The following TMC5 variants were observed in gnomAD, a reference collection of about 807,000 sequenced individuals.
The protein encoded by TMC5 is transmembrane channel like 5, also known as transmembrane channel-like protein 5.
A neutral mutation model predicts 110.5 loss-of-function variants in TMC5; 86 were observed. The observed-to-expected ratio is 0.78, with a 90% CI of 0.65 to 0.93. The LOEUF (loss-of-function observed/expected upper bound fraction) is 0.93, where lower values mean the gene tolerates loss of function less well. Ranked by LOEUF, TMC5 falls within the 40% of genes least tolerant of loss-of-function variation. The pLI is 0.00. For synonymous variants in TMC5, 455 were observed against 439.5 expected (o/e 1.04, Z -0.44); for missense variants, 1,144 against 1,222.8 (o/e 0.94, Z 0.96).
intron 2 of TMC5, among the ~76,000 whole-genome samples, chr16:19,437,432 G>T (rs1039430564): frequency 3.3e-5 from 5 of 152,218 alleles, no homozygotes; most frequent in African/African-American, 1.2e-4. Context: ...AGAAATGGAT[G>T]CTGTGCAGGG....
intron 14 of TMC5, 95 bp from the exon 15 acceptor site, chr16:19,481,274 TG>T: frequency 1.1e-6 from 1 of 870,774 alleles, no homozygotes; most frequent in Admixed American, 1.9e-5. Flanking sequence ...TATTTCAAGC[TG>T]GGGAGGGTCT....
In TMC5 at chr16:19,463,985, C is replaced by G. The variant is rs575971732; in HGVS notation, c.1446C>G (p.Asn482Lys). The G allele has an allele frequency of 2.5e-6, 4 of 1,614,042 alleles. No homozygotes were observed. The African/African-American group carries it at 5.3e-5, about 22-fold the overall frequency. The part of the protein sequence containing the change: ...IIPQFTVAKK[N>K]TLQFTGLEFF... ...CTCAGTTTACCGTGGCCAAAAAGAACACCCTCCAGTTCACTGGGCTGGAGT... is the reference window on the plus strand; with the variant it reads ...CTCAGTTTACCGTGGCCAAAAAGAAGACCCTCCAGTTCACTGGGCTGGAGT... Residue 482 changes from asparagine (N) to lysine (K), a missense_variant, in exon 8 of 22, where the codon AAC becomes AAG. Physicochemically the swap from Asn to Lys is moderately conservative, Grantham distance 94 (BLOSUM62 0). Coordinates refer to ENST00000542583, the MANE Select transcript of TMC5 (RefSeq NM_001261841.2).
chr16:19,475,397 G>A (rs926293074), intron 12 of TMC5, among the ~76,000 whole-genome samples: 76 of 151,690 alleles, frequency 5.0e-4, no homozygotes, highest in African/African-American at 1.7e-3. Context: ...ACTCCAGCCT[G>A]GGTGACAGAG....
Position 19,469,724 on chromosome 16 carries a change from T to C in TMC5, c.1681T>C (p.Tyr561His). The part of the protein sequence containing the change: ...FRNNFINPHI[Y>H]SGGITKLIFC... ...GAACAACTTCATTAATCCCCACATT[T>C]ACTCCGGAGGGATCACCAAGCTGAT... Residue 561 changes from tyrosine (Y) to histidine (H), a missense_variant, in exon 10 of 22, where the codon TAC (tyrosine) becomes CAC (histidine). Physicochemically the swap from Tyr to His is moderately conservative, Grantham distance 83. Transcript: ENST00000542583. 2 of 1,614,112 alleles carry C rather than the reference T, an allele frequency of 1.2e-6. No individual in the cohort carries two copies.
At chr16:19,433,728 C>A (rs571227931) in intron 2 of TMC5, among the ~76,000 whole-genome samples, 1 of 151,954 alleles carries the variant, frequency 6.6e-6, no homozygotes, top group African/African-American at 2.4e-5. Flanking sequence ...AAGCTCAGGG[C>A]AAAATTTAGT....
intron 2 of TMC5, among the ~76,000 whole-genome samples, chr16:19,436,090 C>T (rs141384831): frequency 5.0e-4 from 76 of 151,734 alleles, no homozygotes; most frequent in African/African-American, 1.8e-3. Flanking sequence ...GAGGAAACCC[C>T]CTCTCTACTA....
intron 10 of TMC5, 27 bp downstream of exon 10, chr16:19,469,852 G>A (rs1968284600): frequency 1.3e-5 from 21 of 1,611,926 alleles, no homozygotes; most frequent in Non-Finnish European, 1.7e-5. Flanking sequence ...TTACTCATTT[G>A]CCATCGGCTG....
intron 5 of TMC5, among the ~76,000 whole-genome samples, chr16:19,455,454 C>CA (rs1447531248): frequency 6.6e-6 from 1 of 151,990 alleles, no homozygotes; most frequent in South Asian, 2.1e-4. Context: ...TTTTAAAAAG[C>CA]AAAAAAACAA....
In TMC5 at chr16:19,440,180, C is replaced by T. The variant is rs1232306562; in HGVS notation, c.142C>T (p.Pro48Ser). Residue 48 changes from proline to serine, a missense_variant, in exon 3 of 22, where the codon CCC (proline) becomes TCC (serine). Physicochemically the swap from Pro to Ser is moderately conservative, Grantham distance 74. Transcript: ENST00000542583. ...AGGTCCTCTGAACAATCCAGACTAC[C>T]CCGGCACCAGGAGCAATCCATACTC... is the stretch of plus-strand genomic sequence containing the variant. ...VPGPLNNPDY[P>S]GTRSNPYSVA... 2 of 1,614,014 alleles carry T rather than the reference C, an allele frequency of 1.2e-6. No individual in the cohort carries two copies. Among genetic ancestry groups the T allele is most frequent in the African/African-American group, 1.3e-5 (1 of 74,904 alleles).
intron 19 of TMC5, 169 bp downstream of exon 19, chr16:19,492,397 G>T: frequency 2.4e-6 from 1 of 417,648 alleles, no homozygotes; most frequent in Non-Finnish European, 4.2e-6. Context: ...TCTCTTCCCA[G>T]CAAATCCCTT....
chr16:19,481,038 G>GA (rs1968606682), intron 14 of TMC5, among the ~76,000 whole-genome samples: 1 of 151,952 alleles, frequency 6.6e-6, no homozygotes, highest in Admixed American at 6.6e-5. Flanking sequence ...TCTGGTTCAT[G>GA]AAAAAATAAG....
At chr16:19,466,307 T>A in intron 9 of TMC5, 74 bp downstream of exon 9, 1 of 1,539,960 alleles carries the variant, frequency 6.5e-7, no homozygotes, top group Non-Finnish European at 8.9e-7. Context: ...AATTCAAAAA[T>A]TACCCAGGTA....
chr16:19,457,706 A>ATTTTTTTTT (rs1555483103), intron 5 of TMC5, among the ~76,000 whole-genome samples: 2 of 41,068 alleles, frequency 4.9e-5, no homozygotes, highest in Non-Finnish European at 1.6e-4. Context: ...CCAAGACTAC[A>ATTTTTTTTT]TTCTTTTTTT....
At chr16:19,424,382 G>C (rs1191614360) in intron 1 of TMC5, among the ~76,000 whole-genome samples, 2 of 152,190 alleles carry the variant, frequency 1.3e-5, no homozygotes, top group Admixed American at 1.3e-4. Context: ...TGGGAGTGGT[G>C]GCTCATGCCT....
upstream of TMC5, among the ~76,000 whole-genome samples, chr16:19,413,523 C>CAAAAAAA (rs869158130): frequency 9.4e-5 from 5 of 52,984 alleles, no homozygotes; most frequent in African/African-American, 2.4e-4. Context: ...AACCCTGCCT[C>CAAAAAAA]AAAAAAAAAA....
intron 1 of TMC5, among the ~76,000 whole-genome samples, chr16:19,428,685 A>G (rs529765616): frequency 1.3e-5 from 2 of 152,338 alleles, no homozygotes; most frequent in Admixed American, 6.5e-5. Context: ...AAAATCTTAC[A>G]TTCTCTTTAC....
In TMC5 at chr16:19,463,798, GC is replaced by G; in HGVS notation, c.1261del (p.Leu421CysfsTer5). 6.2e-7 allele frequency: 1 copy of G among 1,614,144 alleles called. No individual in the cohort carries two copies. Among genetic ancestry groups the G allele is most frequent in the Non-Finnish European group, 8.5e-7 (1 of 1,179,996 alleles). On this transcript the variant is annotated frameshift_variant, in exon 8 of 22. Transcript: ENST00000542583. LOFTEE classifies it high-confidence loss of function. The stretch of plus-strand genomic sequence containing the variant: ...CAGGCTTATCGGAGATCCAAGAACA[GC>G]CTGTCGGAAATTCTGAATTCCATCA... ...ISRAYRRSKNSLSEILNSISL... is the reference protein window; with the variant it reads ...ISRAYRRSKNXLSEILNSISL...
chr16:19,426,173 T>A (rs897918735), intron 1 of TMC5, among the ~76,000 whole-genome samples: 1 of 152,250 alleles, frequency 6.6e-6, no homozygotes. Flanking sequence ...TAACTAAGCA[T>A]TATAGGACTA....
intron 20 of TMC5, 23 bp from the exon 21 acceptor site, chr16:19,497,098 C>T (rs747868697): frequency 1.2e-6 from 2 of 1,613,750 alleles, no homozygotes; most frequent in East Asian, 2.2e-5. Context: ...CGTGACGTGG[C>T]TGCTTGTTTT....
Sources: gnomAD v4.1 joint callset for allele counts (sites outside exome capture counted in the v4.1 genomes callset) on GRCh38, gnomAD v4.1.1 for gene constraint, MANE v1.5 for transcripts, NCBI Gene and HGNC (gene_info 2026-07-23, HGNC 2026-07-21) for gene names.